Variants in GTF2H1 observed in about 807,000 individuals in gnomAD.
GTF2H1 encodes BTF2 p62.
Under a neutral mutation model 71.2 loss-of-function variants are expected in GTF2H1, and 16 were observed. The ratio of observed to expected loss-of-function variants is 0.22; its 90% CI spans 0.15 to 0.34. The LOEUF (loss-of-function observed/expected upper bound fraction) is 0.34, where lower values mean the gene tolerates loss of function less well. GTF2H1 is among the 10% of genes least tolerant of loss of function. GTF2H1 has a pLI of 1.00. For missense variants in GTF2H1, 498 were observed against 648.2 expected (o/e 0.77, Z 2.52); for synonymous variants, 215 against 219.0 (o/e 0.98, Z 0.16).
intron 5 of GTF2H1, among the ~76,000 whole-genome samples, chr11:18,340,579 C>G (rs568199247): frequency 3.3e-5 from 5 of 152,292 alleles, no homozygotes; most frequent in Admixed American, 2.0e-4. Context: ...TGAGCCACAG[C>G]ATCTGGCTCT....
intron 14 of GTF2H1, among the ~76,000 whole-genome samples, chr11:18,362,388 C>A (rs919400149): frequency 1.3e-5 from 2 of 152,140 alleles, no homozygotes; most frequent in Non-Finnish European, 2.9e-5. Flanking sequence ...TACACTACTG[C>A]AGAGTTTACT....
Position 18,341,739 on chromosome 11 carries a change from A to T in GTF2H1, c.837+132A>T, listed in dbSNP as rs964389080. The T allele has an allele frequency of 7.0e-6, 4 of 573,762 alleles. No homozygotes were observed. The South Asian group carries it at 7.7e-5, about 11-fold the overall frequency. 35.5% of individuals were successfully genotyped at this position (573,762 alleles called of 1,614,324 possible). A position where few individuals can be genotyped will look rare whatever the true frequency, so the allele number is the denominator to read the frequency against. On this transcript the variant is annotated intron_variant, in intron 7 of 14. Transcript: ENST00000265963. ...AAAATACTGTTACTTGAAGTGATTT[A>T]TCGGAAGTGCTTTGAAATAGCGTTG... is the stretch of plus-strand genomic sequence containing the variant.
At chr11:18,323,868 A>G (rs969849463) in intron 1 of GTF2H1, among the ~76,000 whole-genome samples, 11 of 152,198 alleles carry the variant, frequency 7.2e-5, no homozygotes, top group Non-Finnish European at 1.3e-4. Flanking sequence ...AGATTTTTTA[A>G]AAGACAAAAC....
At chr11:18,361,368 G>C (rs1006274416) in intron 14 of GTF2H1, among the ~76,000 whole-genome samples, 3 of 152,046 alleles carry the variant, frequency 2.0e-5, no homozygotes, top group Non-Finnish European at 4.4e-5. Flanking sequence ...CTTTCCCTTA[G>C]AAAAGTTTTA....
At chr11:18,340,781 CAGAT>C (rs551097953) in intron 5 of GTF2H1, among the ~76,000 whole-genome samples, 134 of 152,280 alleles carry the variant, frequency 8.8e-4, no homozygotes, top group Non-Finnish European at 1.6e-3. Context: ...CAGGGTCACA[CAGAT>C]AGAAAGTGGC....
At chr11:18,346,370 G>A (rs1299023608) in intron 7 of GTF2H1, among the ~76,000 whole-genome samples, 2 of 152,102 alleles carry the variant, frequency 1.3e-5, no homozygotes, top group Non-Finnish European at 1.5e-5. Flanking sequence ...TCCCTGAAAT[G>A]TTATTGTCTC....
intron 7 of GTF2H1, among the ~76,000 whole-genome samples, chr11:18,342,252 CTTTTTTTTTTTTTTTT>C (rs71047585): frequency 5.5e-5 from 4 of 72,722 alleles, no homozygotes; most frequent in African/African-American, 1.5e-4. Context: ...TTTTCTGTCT[CTTTTTTTTTTTTTTTT>C]TTTTTTTTTT....
At chr11:18,365,636 C>G (rs1190142792) in intron 14 of GTF2H1, 147 bp from the exon 15 acceptor site, 1 of 603,932 alleles carries the variant, frequency 1.7e-6, no homozygotes, top group Non-Finnish European at 3.0e-6. Context: ...ACAGCACCTT[C>G]TCAGAGGGCT....
chr11:18,330,950 A>C (rs1257163761), intron 1 of GTF2H1, among the ~76,000 whole-genome samples: 7 of 152,354 alleles, frequency 4.6e-5, no homozygotes, highest in African/African-American at 1.4e-4. Context: ...GAGATAATCA[A>C]CTTCAGAGAA....
In GTF2H1 at chr11:18,339,736, C is replaced by T. The variant is rs971813979; in HGVS notation, c.607+79C>T. The T allele has an allele frequency of 3.6e-6, 3 of 837,250 alleles. No homozygotes were observed. In the African/African-American group the frequency reaches 5.2e-5, roughly 14 times the overall value. The allele number at this position is 837,250 out of a possible 1,614,324, so 51.9% of individuals were successfully genotyped here. ...TATATCAGTGAAAAACAAAAAGCTT[C>T]AGATTCCTGATCAAGTGCAATAAAT... On this transcript the variant is annotated intron_variant, in intron 5 of 14. Transcript: ENST00000265963.
chr11:18,344,762 G>T (rs902136741), intron 7 of GTF2H1, among the ~76,000 whole-genome samples: 34 of 151,986 alleles, frequency 2.2e-4, no homozygotes, highest in African/African-American at 8.2e-4. Context: ...ATACTTCTCA[G>T]TTGGGGCCAC....
intron 1 of GTF2H1, among the ~76,000 whole-genome samples, chr11:18,331,143 G>C (rs538842186): frequency 4.8e-4 from 73 of 152,246 alleles, no homozygotes; most frequent in African/African-American, 1.7e-3. Context: ...TGCCTCCTGG[G>C]CTCAAGCGAT....
intron 5 of GTF2H1, among the ~76,000 whole-genome samples, chr11:18,340,585 G>C (rs114305643): frequency 6.6e-6 from 1 of 152,126 alleles, no homozygotes; most frequent in East Asian, 1.9e-4. Flanking sequence ...ACAGCATCTG[G>C]CTCTTTTGTA....
At chr11:18,329,983 G>A (rs1465172776) in intron 1 of GTF2H1, among the ~76,000 whole-genome samples, 1 of 152,142 alleles carries the variant, frequency 6.6e-6, no homozygotes, top group Non-Finnish European at 1.5e-5. Flanking sequence ...GCTAGAGGTT[G>A]GGGAAAAGAG....
At chr11:18,365,163 A>C (rs1399822764) in intron 14 of GTF2H1, among the ~76,000 whole-genome samples, 6 of 151,520 alleles carry the variant, frequency 4.0e-5, no homozygotes, top group Admixed American at 1.3e-4. Context: ...GAATCACTTG[A>C]GGCCAGGAGT....
intron 1 of GTF2H1, among the ~76,000 whole-genome samples, chr11:18,326,892 G>A (rs1427355192): frequency 6.6e-6 from 1 of 151,922 alleles, no homozygotes; most frequent in Non-Finnish European, 1.5e-5. Context: ...TAATTTGTAT[G>A]GTTTGCAGTC....
intron 14 of GTF2H1, 133 bp from the exon 15 acceptor site, chr11:18,365,650 A>G: frequency 1.5e-6 from 1 of 647,476 alleles, no homozygotes; most frequent in Non-Finnish European, 2.8e-6. Context: ...GAGGGCTTGC[A>G]CATTACCTCA....
At chr11:18,359,211 A>G (rs2133989174) in intron 13 of GTF2H1, among the ~76,000 whole-genome samples, 1 of 152,314 alleles carries the variant, frequency 6.6e-6, no homozygotes, top group South Asian at 2.1e-4. Context: ...AAATGCTCAC[A>G]CTTACCAGTA....
At chr11:18,347,352 A>C in intron 7 of GTF2H1, 1 of 340,442 alleles carries the variant, frequency 2.9e-6, no homozygotes, top group South Asian at 5.2e-5. Flanking sequence ...TCCATCTCAA[A>C]AACAGAGAGA....
Sources: gnomAD v4.1 joint callset for allele counts (sites outside exome capture counted in the v4.1 genomes callset) on GRCh38, gnomAD v4.1.1 for gene constraint, MANE v1.5 for transcripts, NCBI Gene and HGNC (gene_info 2026-07-23, HGNC 2026-07-21) for gene names.